The following GRIP2 variants were observed in gnomAD, a reference collection of about 807,000 sequenced individuals.
GRIP2 encodes glutamate receptor interacting protein 2.
Under a neutral mutation model 108.3 loss-of-function variants are expected in GRIP2, and 58 were observed. The observed-to-expected ratio is 0.54, with a 90% CI of 0.43 to 0.67. The LOEUF (loss-of-function observed/expected upper bound fraction) is 0.67, where lower values mean the gene tolerates loss of function less well. GRIP2 is among the 30% of genes least tolerant of loss of function. The pLI is 0.00. For synonymous variants in GRIP2, 586 were observed against 598.2 expected (o/e 0.98, Z 0.30); for missense variants, 1,278 against 1,430.6 (o/e 0.89, Z 1.72).
chr3:14,517,641 A>T, intron 10 of GRIP2, 131 bp downstream of exon 10: 1 of 1,200,484 alleles, frequency 8.3e-7, no homozygotes, highest in Non-Finnish European at 1.2e-6. Flanking sequence ...GGCTGGGACC[A>T]CAGGCGTGCA....
chr3:14,518,181 C>T (rs1694309001), intron 9 of GRIP2, among the ~76,000 whole-genome samples: 1 of 152,248 alleles, frequency 6.6e-6, no homozygotes, highest in African/African-American at 2.4e-5. Flanking sequence ...TGAACACAGG[C>T]ATCCTGCCCT....
intron 20 of GRIP2, among the ~76,000 whole-genome samples, chr3:14,504,894 C>A (rs1001323254): frequency 6.6e-6 from 1 of 151,540 alleles, no homozygotes; most frequent in African/African-American, 2.4e-5. Flanking sequence ...AGCTGGGGTG[C>A]CACGCAGTAG....
the GRIP2 span, chr3:14,573,044 G>T: frequency 7.2e-7 from 1 of 1,383,322 alleles, no homozygotes; most frequent in Non-Finnish European, 1.0e-6. Flanking sequence ...ACTTGCTGAA[G>T]CTGATGTAGC....
At chr3:14,563,090 G>T in the GRIP2 span, among the ~76,000 whole-genome samples, 1 of 152,200 alleles carries the variant, frequency 6.6e-6, no homozygotes, top group Admixed American at 6.5e-5. Flanking sequence ...TGTGGCAAGG[G>T]ACCTTACTTG....
intron 1 of GRIP2, among the ~76,000 whole-genome samples, chr3:14,533,209 C>A (rs963018877): frequency 6.6e-6 from 1 of 152,196 alleles, no homozygotes; most frequent in African/African-American, 2.4e-5. Context: ...TGTTTCTGAG[C>A]TAATAAAATC....
chr3:14,568,987 C>CAGGGAAAATGCT, the GRIP2 span, among the ~76,000 whole-genome samples: 27 of 152,292 alleles, frequency 1.8e-4, no homozygotes, highest in Admixed American at 4.6e-4. Context: ...GGGGGTAATG[C>CAGGGAAAATGCT]AGGGAAAATG....
intron 1 of GRIP2, among the ~76,000 whole-genome samples, chr3:14,532,279 T>C (rs549514965): frequency 4.8e-4 from 73 of 152,186 alleles, no homozygotes; most frequent in African/African-American, 1.7e-3. Context: ...CAGCCAGGTC[T>C]TTTTCATGAG....
rs750704880 is a variant in GRIP2 at position 14,505,705 on chromosome 3, G to A, written c.2483C>T (p.Thr828Ile). Reference protein sequence around the residue: ...PGWLRGSPPPTEPRRTSYTPT... With the variant: ...PGWLRGSPPPIEPRRTSYTPT... The stretch of plus-strand genomic sequence containing the variant: ...GGTATAGCTCGTCCTCCGGGGCTCG[G>A]TGGGTGGGGGGCTGCCCCTCAGCCA... Residue 828 changes from threonine (T) to isoleucine (I), a missense_variant, in exon 20 of 24, where the codon ACC becomes ATC. By Grantham distance (89) the Thr-to-Ile change is moderately conservative (BLOSUM62 -1). Coordinates refer to ENST00000621039, the MANE Select transcript of GRIP2 (RefSeq NM_001080423.4). The surrounding 1 kb of genome is among the most constrained non-coding windows in gnomAD (Gnocchi z 4.2). The A allele has an allele frequency of 1.3e-6, 2 of 1,594,706 alleles. No homozygotes were observed. Among genetic ancestry groups the A allele is most frequent in the South Asian group, 2.3e-5 (2 of 88,280 alleles).
chr3:14,586,652 C>T, the GRIP2 span, among the ~76,000 whole-genome samples: 5 of 152,292 alleles, frequency 3.3e-5, no homozygotes, highest in East Asian at 9.6e-4. Context: ...TTATGTGGCC[C>T]TTAAAAATGA....
the GRIP2 span, chr3:14,573,655 GA>G: frequency 6.7e-7 from 1 of 1,502,958 alleles, no homozygotes; most frequent in African/African-American, 1.4e-5. Flanking sequence ...TCCATGTGGG[GA>G]AGGTTGGTGT....
rs1701279738 is a variant in GRIP2 at position 14,489,588 on chromosome 3, G to A, written c.*4077C>T. On this transcript the variant is annotated 3_prime_UTR_variant, in exon 24 of 24. Transcript: ENST00000621039. ...GGCCCATGAGCTCTTGGCTCTACTG[G>A]CTCTACTGATTCTACCTGCTACATG... 1 of 152,190 alleles carries A rather than the reference G, an allele frequency of 6.6e-6. No homozygotes were observed. Among genetic ancestry groups the A allele is most frequent in the African/African-American group, 2.4e-5 (1 of 41,402 alleles). 9.4% of individuals were successfully genotyped at this position (152,190 alleles called of 1,614,324 possible).
intron 1 of GRIP2, among the ~76,000 whole-genome samples, chr3:14,549,486 C>T (rs1403030190): frequency 6.6e-6 from 1 of 152,212 alleles, no homozygotes; most frequent in Non-Finnish European, 1.5e-5. Context: ...TGGCTGAACA[C>T]GGTGGTGGCC....
At chr3:14,598,755 C>T in the GRIP2 span, among the ~76,000 whole-genome samples, 1 of 152,138 alleles carries the variant, frequency 6.6e-6, no homozygotes, top group Admixed American at 6.5e-5. Flanking sequence ...CCTTATCATT[C>T]TCTCCCTTCC....
At chr3:14,577,389 G>C in the GRIP2 span, among the ~76,000 whole-genome samples, 1 of 152,232 alleles carries the variant, frequency 6.6e-6, no homozygotes, top group Non-Finnish European at 1.5e-5. Context: ...TAGAGAGGCA[G>C]AGACAGGAAG....
At chr3:14,577,042 ACTT>A in the GRIP2 span, among the ~76,000 whole-genome samples, 293 of 152,360 alleles carry the variant, frequency 1.9e-3, 3 homozygotes, top group African/African-American at 6.9e-3. Context: ...GTTGTAGACA[ACTT>A]CTACCACTGT....
Position 14,525,473 on chromosome 3 carries a change from C to T in GRIP2, c.221G>A (p.Arg74Lys). Reference sequence around the variant, plus strand: ...TCCCCCAGGTCTCAGGTTGGAGACCCTGGGCTTTCCATCCTTGTCGGTGCC... The same window carrying T: ...TCCCCCAGGTCTCAGGTTGGAGACCTTGGGCTTTCCATCCTTGTCGGTGCC... ...SGGTDKDGKP[R>K]VSNLRPGGLA... The change falls in exon 3 of 24, where the codon AGG becomes AAG. Residue 74 changes from arginine to lysine, a missense_variant. By Grantham distance (26) the Arg-to-Lys change is conservative. Coordinates refer to ENST00000621039, the MANE Select transcript of GRIP2 (RefSeq NM_001080423.4). The T allele has an allele frequency of 6.2e-7, 1 of 1,613,438 alleles. No homozygotes were observed. Among genetic ancestry groups the T allele is most frequent in the Non-Finnish European group, 8.5e-7 (1 of 1,179,792 alleles).
chr3:14,574,878 A>C, the GRIP2 span: 1 of 303,596 alleles, frequency 3.3e-6, no homozygotes, highest in African/African-American at 2.2e-5. Flanking sequence ...ATGCTGAATG[A>C]AAAGGGCTGG....
chr3:14,513,909 C>T (rs1694173132), intron 12 of GRIP2, 99 bp from the exon 13 acceptor site: 2 of 1,398,056 alleles, frequency 1.4e-6, no homozygotes, highest in African/African-American at 2.8e-5. Flanking sequence ...GGTCACACCT[C>T]CTGGTCTGGG....
chr3:14,518,840 C>G (rs1266516625), intron 9 of GRIP2, among the ~76,000 whole-genome samples: 1 of 152,228 alleles, frequency 6.6e-6, no homozygotes, highest in African/African-American at 2.4e-5. Context: ...GTGCTATTAT[C>G]TGTAAAATGG....
Sources: gnomAD v4.1 joint callset for allele counts (sites outside exome capture counted in the v4.1 genomes callset) on GRCh38, gnomAD v4.1.1 for gene constraint, Gnocchi (gnomAD v3.1) non-coding constraint, MANE v1.5 for transcripts, NCBI Gene and HGNC (gene_info 2026-07-23, HGNC 2026-07-21) for gene names.